Variants in MED27 observed in about 807,000 individuals in gnomAD.
MED27 encodes the protein mediator complex subunit 27.
MED27 carries 30 observed loss-of-function variants against 38.2 expected under a neutral mutation model. That is an observed-to-expected ratio of 0.79 (90% CI 0.59 to 1.07). The LOEUF is 1.07. Ranked by LOEUF, MED27 falls within the 50% of genes least tolerant of loss-of-function variation. MED27 has a pLI of 0.00. For missense variants in MED27, 289 were observed against 397.5 expected, an observed-to-expected ratio of 0.73 and a Z score of 2.32; for synonymous variants, 122 against 153.5, an observed-to-expected ratio of 0.79 and a Z score of 1.52.
At position 131,906,698 on chromosome 9, in the gene MED27, C is replaced by T. The variant is rs116665108; in HGVS notation, c.574-12706G>A. ...TGAAAAGGGATCCTGATCCAGACCC[C>T]GAGAGAGGGTTCTCGGATCTTGTGC... On this transcript the variant is annotated intron_variant, in intron 4 of 7. Coordinates refer to ENST00000292035, the MANE Select transcript of MED27 (RefSeq NM_004269.4). 5.6e-3 allele frequency among the ~76,000 whole-genome samples: 850 copies of T among 152,210 alleles called. 4 individuals are homozygous for T. Among genetic ancestry groups the T allele is most frequent in the African/African-American group, 0.019 (799 of 41,530 alleles).
intron 2 of MED27, among the ~76,000 whole-genome samples, chr9:132,028,684 C>T (rs975910115): frequency 3.9e-5 from 6 of 152,022 alleles, no homozygotes; most frequent in African/African-American, 7.3e-5. Context: ...TTGGAGATAC[C>T]GAACAGGGGA....
chr9:131,943,630 C>A (rs1245277528), intron 3 of MED27, among the ~76,000 whole-genome samples: 3 of 152,176 alleles, frequency 2.0e-5, no homozygotes, highest in Admixed American at 1.3e-4. Flanking sequence ...AGTAACACAG[C>A]AGTGGTGACT....
At chr9:131,927,387 C>A (rs933428177) in intron 4 of MED27, among the ~76,000 whole-genome samples, 1 of 152,236 alleles carries the variant, frequency 6.6e-6, no homozygotes, top group Non-Finnish European at 1.5e-5. Context: ...AAATCAGTCA[C>A]AAGTGTCATT....
intron 1 of MED27, among the ~76,000 whole-genome samples, chr9:132,079,424 G>A (rs531801397): frequency 6.6e-6 from 1 of 152,318 alleles, no homozygotes; most frequent in African/African-American, 2.4e-5. Flanking sequence ...GATGGCGGAA[G>A]ACAAACAGGA....
chr9:132,007,016 GC>G (rs1346116928), intron 3 of MED27, among the ~76,000 whole-genome samples: 1 of 152,210 alleles, frequency 6.6e-6, no homozygotes, highest in African/African-American at 2.4e-5. Flanking sequence ...GAATTAATGT[GC>G]AAGGCGGTGG....
chr9:132,069,809 G>A (rs1308680998), intron 2 of MED27, among the ~76,000 whole-genome samples: 1 of 152,198 alleles, frequency 6.6e-6, no homozygotes, highest in African/African-American at 2.4e-5. Flanking sequence ...AAACCCAGTG[G>A]GGGAAAGCCA....
chr9:131,877,605 G>A (rs1426760688), intron 6 of MED27, among the ~76,000 whole-genome samples: 2 of 152,086 alleles, frequency 1.3e-5, no homozygotes, highest in African/African-American at 4.8e-5. Flanking sequence ...TGTAATGACT[G>A]TTTATGGAGC....
chr9:131,972,867 G>T (rs1831511112), intron 3 of MED27, among the ~76,000 whole-genome samples: 1 of 152,170 alleles, frequency 6.6e-6, no homozygotes, highest in East Asian at 1.9e-4. Context: ...GGCCAACATG[G>T]TGAAACCCCA....
At chr9:131,972,804 C>T (rs1831509714) in intron 3 of MED27, among the ~76,000 whole-genome samples, 1 of 152,170 alleles carries the variant, frequency 6.6e-6, no homozygotes, top group African/African-American at 2.4e-5. Context: ...AAACCAACAA[C>T]AGGGAGGCTG....
At chr9:131,902,341 G>A (rs1829965319) in intron 4 of MED27, among the ~76,000 whole-genome samples, 1 of 152,156 alleles carries the variant, frequency 6.6e-6, no homozygotes. Context: ...AGGGGGATGA[G>A]GGAAACTGGC....
rs536004411 is a variant in MED27, at chr9:132,021,504, G to T, written c.349-7037C>A. Among the ~76,000 whole-genome samples, 31 of 152,212 alleles carry T rather than the reference G, an allele frequency of 2.0e-4. No individual in the cohort carries two copies. In the South Asian group the frequency reaches 5.8e-3, roughly 29 times the overall value. On this transcript the variant is annotated intron_variant, in intron 2 of 7. Coordinates refer to ENST00000292035, the MANE Select transcript of MED27 (RefSeq NM_004269.4). ...GAGCAGCTAAGAAAAGACAGACGAG[G>T]GTATATAAAAATTGGTGTTTTCCTG...
chr9:132,045,413 TACACACACACACACAC>T lies in MED27; in HGVS notation c.349-30962_349-30947del, dbSNP rs61360267. Among the ~76,000 whole-genome samples, 11 of 144,388 alleles carry T rather than the reference TACACACACACACACAC, an allele frequency of 7.6e-5. No homozygotes were observed. The East Asian group carries it at 8.1e-4, about 11-fold the overall frequency. The allele number at this position is 144,388 out of a possible 152,430, so 94.7% of individuals were successfully genotyped here. A position where few individuals can be genotyped will look rare whatever the true frequency, so the allele number is the denominator to read the frequency against. ...AAGATAATGTCTAAGAAGAGGAAATTACACACACACACACACACACACACACACACACACACACACA... is the reference window on the plus strand; with the variant it reads ...AAGATAATGTCTAAGAAGAGGAAATTACACACACACACACACACACACACA... On this transcript the variant is annotated intron_variant, in intron 2 of 7. Coordinates refer to ENST00000292035, the MANE Select transcript of MED27 (RefSeq NM_004269.4).
chr9:131,990,961 G>A lies in MED27; in HGVS notation c.479+23376C>T, dbSNP rs538583675. Among the ~76,000 whole-genome samples the A allele has an allele frequency of 9.0e-4, 137 of 152,308 alleles. 7 individuals are homozygous for A. In the South Asian group the frequency reaches 0.026, roughly 29 times the overall value. ...CAATGTAACTGGCATTACAGGGGTA[G>A]GGTACGATGAGAAATCTGCGGGGTT... On this transcript the variant is annotated intron_variant, in intron 3 of 7. Transcript: ENST00000292035.
intron 3 of MED27, among the ~76,000 whole-genome samples, chr9:132,004,395 A>G (rs1220060349): frequency 6.6e-6 from 1 of 152,230 alleles, no homozygotes; most frequent in Non-Finnish European, 1.5e-5. Flanking sequence ...ATAAAAGATA[A>G]GTAACATGAA....
intron 3 of MED27, among the ~76,000 whole-genome samples, chr9:132,010,922 A>C (rs1832473677): frequency 6.6e-6 from 1 of 152,148 alleles, no homozygotes; most frequent in Non-Finnish European, 1.5e-5. Flanking sequence ...TAGGAGATAT[A>C]CCTAATGTAA....
chr9:132,023,026 G>A (rs944655004), intron 2 of MED27, among the ~76,000 whole-genome samples: 1 of 152,186 alleles, frequency 6.6e-6, no homozygotes, highest in Non-Finnish European at 1.5e-5. Flanking sequence ...TCCTTGAGAT[G>A]TCTTAGGCCT....
At chr9:131,993,572 C>T (rs1012139990) in intron 3 of MED27, among the ~76,000 whole-genome samples, 12 of 152,134 alleles carry the variant, frequency 7.9e-5, no homozygotes, top group Admixed American at 2.0e-4. Flanking sequence ...GCCCCCGTTC[C>T]GAGTGGGGGC....
intron 4 of MED27, among the ~76,000 whole-genome samples, chr9:131,912,874 C>T (rs1351469675): frequency 6.6e-6 from 1 of 152,150 alleles, no homozygotes; most frequent in Non-Finnish European, 1.5e-5. Flanking sequence ...GCAATTAATA[C>T]GACCCACTTC....
chr9:132,011,190 T>C (rs987823707), intron 3 of MED27, among the ~76,000 whole-genome samples: 1 of 152,182 alleles, frequency 6.6e-6, no homozygotes, highest in African/African-American at 2.4e-5. Context: ...TACTATAATA[T>C]ACTCCTTTTT....
Sources: allele counts gnomAD v4.1 joint callset (sites outside exome capture counted in the v4.1 genomes callset), GRCh38; gene constraint gnomAD v4.1.1; transcripts MANE v1.5; gene names NCBI Gene and HGNC (gene_info 2026-07-23, HGNC 2026-07-21).